The following KCNAB1 variants were observed in gnomAD, a reference collection of about 807,000 sequenced individuals.
The protein encoded by KCNAB1 is potassium voltage-gated channel subfamily A regulatory beta subunit 1.
Under a neutral mutation model 64.6 loss-of-function variants are expected in KCNAB1, and 35 were observed. That is an observed-to-expected ratio of 0.54 (90% CI 0.41 to 0.72). KCNAB1 has a LOEUF of 0.72. Among genes scored for constraint, KCNAB1 ranks in the 30% least tolerant of loss-of-function variants. The probability of loss-of-function intolerance (pLI) is 0.00; values close to 1 mark genes in which losing one functional copy is unlikely to be tolerated. For synonymous variants in KCNAB1, 177 were observed against 183.8 expected (o/e 0.96, Z 0.30); for missense variants, 401 against 512.9 (o/e 0.78, Z 2.11).
At chr3:156,140,837 T>A in intron 1 of KCNAB1, among the ~76,000 whole-genome samples, 1 of 152,206 alleles carries the variant, frequency 6.6e-6, no homozygotes, top group East Asian at 1.9e-4. Flanking sequence ...AATAATTGTG[T>A]ACCGGGGCTG....
chr3:156,521,707 T>C (rs769156121), intron 11 of KCNAB1, among the ~76,000 whole-genome samples: 1 of 152,212 alleles, frequency 6.6e-6, no homozygotes, highest in Non-Finnish European at 1.5e-5. Context: ...TTTGCTTCCA[T>C]ATTTAATTAA....
chr3:156,323,654 T>C (rs1722805895), intron 1 of KCNAB1, among the ~76,000 whole-genome samples: 1 of 152,214 alleles, frequency 6.6e-6, no homozygotes, highest in South Asian at 2.1e-4. Flanking sequence ...TGAGTTGCCA[T>C]GGTAATGACT....
rs866094330 is a variant in KCNAB1, at chr3:156,292,212, A to G, written c.276-129404A>G. 2.5e-5 allele frequency: 36 copies of G among 1,464,898 alleles called. No individual in the cohort carries two copies. The African/African-American group carries it at 4.6e-4, about 19-fold the overall frequency. 90.7% of individuals were successfully genotyped at this position (1,464,898 alleles called of 1,614,324 possible). A position where few individuals can be genotyped will look rare whatever the true frequency, so the allele number is the denominator to read the frequency against. On this transcript the variant is annotated intron_variant, in intron 1 of 13. Coordinates refer to ENST00000490337, the MANE Select transcript of KCNAB1 (RefSeq NM_172160.3). ...GACAGTCCATCGGTTTTGAAAAGTG[A>G]TTTACTCATCAGTGGGTTGCTCACT...
chr3:156,208,131 C>G (rs1576606549), intron 1 of KCNAB1, among the ~76,000 whole-genome samples: 1 of 152,088 alleles, frequency 6.6e-6, no homozygotes, highest in East Asian at 1.9e-4. Flanking sequence ...TGTGCTATAT[C>G]CTTGTCTAAT....
chr3:156,311,332 T>C (rs969338236), intron 1 of KCNAB1, among the ~76,000 whole-genome samples: 1 of 152,064 alleles, frequency 6.6e-6, no homozygotes, highest in Non-Finnish European at 1.5e-5. Context: ...ATAAAACCAA[T>C]TGATGTTTAT....
intron 8 of KCNAB1, among the ~76,000 whole-genome samples, chr3:156,507,131 TG>T (rs1487368132): frequency 6.6e-6 from 1 of 152,226 alleles, no homozygotes; most frequent in African/African-American, 2.4e-5. Flanking sequence ...CAAAGCTAGA[TG>T]GGGTCTATAG....
chr3:156,120,900 G>A lies in KCNAB1; in HGVS notation c.275+14G>A. 1 of 1,611,846 alleles carries A rather than the reference G, an allele frequency of 6.2e-7. No homozygotes were observed. The highest frequency in any genetic ancestry group is 8.5e-7 in the Non-Finnish European group (1 of 1,178,906). On this transcript the variant is annotated intron_variant, in intron 1 of 13. Coordinates refer to ENST00000490337, the MANE Select transcript of KCNAB1 (RefSeq NM_172160.3). ...CATGCCGCACAGGTAAGCTGCCCCT[G>A]CTCTGCGCGGGCTTTGGGAGACGCC...
At chr3:156,157,435 A>C (rs1213653004) in intron 1 of KCNAB1, among the ~76,000 whole-genome samples, 4 of 152,170 alleles carry the variant, frequency 2.6e-5, no homozygotes, top group Non-Finnish European at 5.9e-5. Flanking sequence ...TAAAAATAAT[A>C]CTCATAAGTT....
intron 1 of KCNAB1, among the ~76,000 whole-genome samples, chr3:156,270,043 T>G (rs909367005): frequency 6.6e-6 from 1 of 151,716 alleles, no homozygotes; most frequent in East Asian, 1.9e-4. Context: ...AGCCTCCTGA[T>G]TAGCTGGGAC....
chr3:156,499,279 T>C (rs1353755555), intron 8 of KCNAB1, among the ~76,000 whole-genome samples: 1 of 152,184 alleles, frequency 6.6e-6, no homozygotes, highest in African/African-American at 2.4e-5. Context: ...TTTTTGTTTC[T>C]TAATCTTAAA....
chr3:156,459,910 AT>A, intron 5 of KCNAB1, 39 bp downstream of exon 5: 1 of 1,462,810 alleles, frequency 6.8e-7, no homozygotes, highest in Non-Finnish European at 9.5e-7. Context: ...TTAAAAAGGT[AT>A]TATTTTGCAC....
At chr3:156,220,077 A>C (rs1576617562) in intron 1 of KCNAB1, among the ~76,000 whole-genome samples, 1 of 152,104 alleles carries the variant, frequency 6.6e-6, no homozygotes, top group Non-Finnish European at 1.5e-5. Context: ...ATAGTATTCT[A>C]TGGTGTATAT....
intron 2 of KCNAB1, among the ~76,000 whole-genome samples, chr3:156,429,484 CT>C (rs532778599): frequency 3.3e-5 from 5 of 152,206 alleles, no homozygotes; most frequent in Non-Finnish European, 7.3e-5. Context: ...ACCAAGAGAA[CT>C]TTCTAGAGCA....
chr3:156,163,833 A>G (rs1716220810), intron 1 of KCNAB1, among the ~76,000 whole-genome samples: 1 of 152,194 alleles, frequency 6.6e-6, no homozygotes, highest in African/African-American at 2.4e-5. Context: ...GCAACGGCAA[A>G]CTTTGTGCAG....
At chr3:156,159,303 T>G (rs1210620843) in intron 1 of KCNAB1, among the ~76,000 whole-genome samples, 1 of 152,208 alleles carries the variant, frequency 6.6e-6, no homozygotes, top group Non-Finnish European at 1.5e-5. Flanking sequence ...TATTTTCCTC[T>G]ATTAGTCTAT....
At chr3:156,496,319 G>T (rs894589892) in intron 8 of KCNAB1, among the ~76,000 whole-genome samples, 47 of 152,156 alleles carry the variant, frequency 3.1e-4, no homozygotes, top group Admixed American at 2.7e-3. Flanking sequence ...GAGACCTGGT[G>T]GGAGGTGATT....
At chr3:156,520,556 C>A (rs1367030021) in intron 11 of KCNAB1, among the ~76,000 whole-genome samples, 1 of 152,074 alleles carries the variant, frequency 6.6e-6, no homozygotes, top group South Asian at 2.1e-4. Context: ...CCAGCCTGAG[C>A]AATACAATGA....
At chr3:156,341,301 A>G (rs1299096658) in intron 1 of KCNAB1, among the ~76,000 whole-genome samples, 1 of 152,212 alleles carries the variant, frequency 6.6e-6, no homozygotes, top group Non-Finnish European at 1.5e-5. Flanking sequence ...AATAAAACCC[A>G]AATCTAGACG....
intron 1 of KCNAB1, among the ~76,000 whole-genome samples, chr3:156,188,717 G>A (rs1713366520): frequency 1.3e-5 from 2 of 152,096 alleles, no homozygotes; most frequent in African/African-American, 2.4e-5. Context: ...ACTTAACAAC[G>A]TATGTTTGAA....
Sources: gnomAD v4.1 joint callset for allele counts (sites outside exome capture counted in the v4.1 genomes callset) on GRCh38, gnomAD v4.1.1 for gene constraint, MANE v1.5 for transcripts, NCBI Gene and HGNC (gene_info 2026-07-23, HGNC 2026-07-21) for gene names.